GLIS3: variants seen among roughly 807,000 people sequenced by gnomAD.
GLIS3 encodes zinc finger protein GLIS3.
GLIS3 carries 53 observed loss-of-function variants against 78.6 expected under a neutral mutation model. The ratio of observed to expected loss-of-function variants is 0.67; its 90% CI spans 0.54 to 0.85. GLIS3 has a LOEUF of 0.85. GLIS3 is among the 40% of genes least tolerant of loss of function. GLIS3 has a pLI of 0.00. For missense variants in GLIS3, 1,703 were observed against 1,231.1 expected, an observed-to-expected ratio of 1.38 and a Z score of -5.74; for synonymous variants, 684 against 509.9, an observed-to-expected ratio of 1.34 and a Z score of -4.60.
At chr9:4,322,037 G>C (rs112226802) in intron 2 of GLIS3, among the ~76,000 whole-genome samples, 10,323 of 151,986 alleles carry the variant, frequency 0.068, 1,159 homozygotes, top group African/African-American at 0.23. Flanking sequence ...CATCCCCCGA[G>C]CCCACGACAG....
intron 7 of GLIS3, among the ~76,000 whole-genome samples, chr9:3,889,535 T>C (rs970411274): frequency 7.2e-5 from 11 of 152,220 alleles, no homozygotes; most frequent in Admixed American, 7.2e-4. Flanking sequence ...AAAATCTGCA[T>C]GTATTACATG....
chr9:4,453,360 A>AAAG, the GLIS3 span, among the ~76,000 whole-genome samples: 2,665 of 149,664 alleles, frequency 0.018, 34 homozygotes, highest in Non-Finnish European at 0.03. Context: ...AAAAAAAAAA[A>AAAG]AAAAGAAAAA....
the GLIS3 span, among the ~76,000 whole-genome samples, chr9:4,462,916 G>A: frequency 6.6e-6 from 1 of 152,182 alleles, no homozygotes; most frequent in South Asian, 2.1e-4. Flanking sequence ...TGCACTTAAA[G>A]TGATGGGAAA....
chr9:4,109,048 G>A (rs1449119056), intron 4 of GLIS3, among the ~76,000 whole-genome samples: 1 of 152,144 alleles, frequency 6.6e-6, no homozygotes, highest in Non-Finnish European at 1.5e-5. Flanking sequence ...CACTGGGAAT[G>A]GGTGCCATTT....
chr9:4,459,992 A>G, the GLIS3 span, among the ~76,000 whole-genome samples: 2 of 152,192 alleles, frequency 1.3e-5, no homozygotes, highest in Non-Finnish European at 2.9e-5. Flanking sequence ...AGAATAATAG[A>G]GGCACACTCT....
At chr9:4,365,905 T>C in the GLIS3 span, among the ~76,000 whole-genome samples, 4,388 of 152,334 alleles carry the variant, frequency 0.029, 203 homozygotes, top group African/African-American at 0.096. Flanking sequence ...GAGAATGTGA[T>C]GGGTGTTCAT....
intron 2 of GLIS3, among the ~76,000 whole-genome samples, chr9:4,279,751 T>C (rs987904909): frequency 6.6e-6 from 1 of 152,132 alleles, no homozygotes; most frequent in Non-Finnish European, 1.5e-5. Context: ...AATTTTAAAA[T>C]ACTGATACTA....
chr9:4,122,689 AT>A (rs1434295248), intron 3 of GLIS3, among the ~76,000 whole-genome samples: 1 of 152,354 alleles, frequency 6.6e-6, no homozygotes, highest in Admixed American at 6.5e-5. Flanking sequence ...ATTACAATGC[AT>A]GTGAAAACAC....
intron 9 of GLIS3, among the ~76,000 whole-genome samples, chr9:3,840,098 T>G (rs139231333): frequency 6.6e-6 from 1 of 152,130 alleles, no homozygotes; most frequent in Non-Finnish European, 1.5e-5. Flanking sequence ...TTTTATAGGG[T>G]TGTGGAAAAT....
At chr9:4,054,571 C>G (rs1825985487) in intron 4 of GLIS3, 12 of 796,878 alleles carry the variant, frequency 1.5e-5, no homozygotes, top group South Asian at 5.7e-5. Context: ...ACAAGTCACA[C>G]CAGTCACAAA....
In GLIS3 at chr9:4,118,184, G is replaced by C. The variant is rs774124083; in HGVS notation, c.1294C>G (p.Arg432Gly). ...GTGCTGCCCGGGAACTCCTCCAGGC[G>C]TTCGGTCTTGAACAGGCCGGCCGAC... ...SQSAGLFKTE[R>G]LEEFPGSTVD... is the part of the protein sequence containing the mutation. The change falls in exon 4 of 11, where the codon CGC becomes GGC. Residue 432 changes from arginine to glycine, a missense_variant. Coordinates refer to ENST00000381971, the MANE Select transcript of GLIS3 (RefSeq NM_001042413.2). The surrounding 1 kb of genome is among the most constrained non-coding windows in gnomAD (Gnocchi z 4.7). 2 of 1,575,086 alleles carry C rather than the reference G, an allele frequency of 1.3e-6. No individual in the cohort carries two copies. The highest frequency in any genetic ancestry group is 2.7e-5 in the African/African-American group (2 of 74,094).
At chr9:3,874,791 G>GA (rs983921170) in intron 8 of GLIS3, among the ~76,000 whole-genome samples, 5 of 152,186 alleles carry the variant, frequency 3.3e-5, no homozygotes, top group Admixed American at 6.5e-5. Flanking sequence ...TGAGAGAACA[G>GA]AAAAAACACT....
rs532371978 is a variant in GLIS3 at position 4,233,688 on chromosome 9, G to A, written c.388+52350C>T. The stretch of plus-strand genomic sequence containing the variant: ...TGGCTTCAACTTAAAGTTACCAGCT[G>A]CATTAGCCCCTAACAAGGGAGCCAG... On this transcript the variant is annotated intron_variant, in intron 2 of 10. Transcript: ENST00000381971. Among the ~76,000 whole-genome samples the A allele has an allele frequency of 2.0e-5, 3 of 152,288 alleles. No individual in the cohort carries two copies. In the East Asian group the frequency reaches 5.8e-4, roughly 29 times the overall value.
At chr9:3,919,600 T>C (rs150510374) in intron 6 of GLIS3, among the ~76,000 whole-genome samples, 103 of 149,174 alleles carry the variant, frequency 6.9e-4, no homozygotes, top group Non-Finnish European at 1.1e-3. Flanking sequence ...TTTACCTATA[T>C]AACAAACCTG....
chr9:4,154,195 T>C (rs1157418394), intron 2 of GLIS3, among the ~76,000 whole-genome samples: 2 of 152,164 alleles, frequency 1.3e-5, no homozygotes, highest in Admixed American at 6.5e-5. Flanking sequence ...CTACTGTATG[T>C]AATTGGCCCA....
intron 3 of GLIS3, among the ~76,000 whole-genome samples, chr9:4,120,660 G>C (rs567191216): frequency 1.3e-5 from 2 of 152,166 alleles, no homozygotes; most frequent in Non-Finnish European, 2.9e-5. Context: ...ATATGAGACA[G>C]AGACAACTGA....
At chr9:4,159,598 A>T (rs1393738645) in intron 2 of GLIS3, among the ~76,000 whole-genome samples, 1 of 152,158 alleles carries the variant, frequency 6.6e-6, no homozygotes, top group Non-Finnish European at 1.5e-5. Context: ...ACATGCCTGT[A>T]ATTCCAGCTA....
chr9:4,320,201 TTCTGAATGTC>T (rs1817503682), intron 2 of GLIS3, among the ~76,000 whole-genome samples: 1 of 152,196 alleles, frequency 6.6e-6, no homozygotes, highest in Non-Finnish European at 1.5e-5. Flanking sequence ...TTCCCTTCCA[TTCTGAATGTC>T]TCTGAATGTC....
intron 2 of GLIS3, among the ~76,000 whole-genome samples, chr9:4,172,282 G>A (rs1303896180): frequency 1.3e-5 from 2 of 152,106 alleles, no homozygotes; most frequent in Non-Finnish European, 2.9e-5. Context: ...TCCTCAATAT[G>A]TGCAACTCCT....
Sources: gnomAD v4.1 joint callset for allele counts (sites outside exome capture counted in the v4.1 genomes callset) on GRCh38, gnomAD v4.1.1 for gene constraint, Gnocchi (gnomAD v3.1) non-coding constraint, MANE v1.5 for transcripts, NCBI Gene and HGNC (gene_info 2026-07-23, HGNC 2026-07-21) for gene names.